RPS6KA1: variants seen among roughly 807,000 people sequenced by gnomAD.
The protein encoded by RPS6KA1 is ribosomal protein S6 kinase A1.
Under a neutral mutation model 91.3 loss-of-function variants are expected in RPS6KA1, and 48 were observed. The observed-to-expected ratio is 0.53, with a 90% confidence interval of 0.42 to 0.67. The LOEUF is 0.67. RPS6KA1 is among the 30% of genes least tolerant of loss of function. The probability of loss-of-function intolerance (pLI) is 0.00; values close to 1 mark genes in which losing one functional copy is unlikely to be tolerated. For missense variants in RPS6KA1, 719 were observed against 960.5 expected (o/e 0.75, Z 3.32); for synonymous variants, 359 against 384.7 (o/e 0.93, Z 0.78).
In RPS6KA1 at chr1:26,574,352, T is replaced by TTCTG; in HGVS notation, c.*151_*152insTCTG. 1 of 934,594 alleles carries TTCTG rather than the reference T, an allele frequency of 1.1e-6. No individual in the cohort carries two copies. Among genetic ancestry groups the TTCTG allele is most frequent in the Non-Finnish European group, 1.8e-6 (1 of 562,360 alleles). The allele number at this position is 934,594 out of a possible 1,614,324, so 57.9% of individuals were successfully genotyped here. On this transcript the variant is annotated 3_prime_UTR_variant, in exon 22 of 22. Coordinates refer to ENST00000374168, the MANE Select transcript of RPS6KA1 (RefSeq NM_002953.4). The surrounding 1 kb of genome is among the most constrained non-coding windows in gnomAD (Gnocchi z 4.3). The stretch of plus-strand genomic sequence containing the variant: ...GCCCAGAACACCCCTAATGAGGGTG[T>TTCTG]GAGAAGTGCCTTCTCCTTCCCCAGG...
chr1:26,555,508 G>C lies in RPS6KA1; in HGVS notation c.828-29G>C. 6.4e-7 allele frequency: 1 copy of C among 1,560,224 alleles called. No homozygotes were observed. Among genetic ancestry groups the C allele is most frequent in the African/African-American group, 1.4e-5 (1 of 73,498 alleles). ...GATGGGGCCTCTGGGGCAGGGCTCA[G>C]CCTTGATGAGTCCCGGGGGCTGTTT... On this transcript the variant is annotated intron_variant, in intron 10 of 21. Transcript: ENST00000374168. This position sits in a 1 kb window ranked among gnomAD's most constrained non-coding sequence, Gnocchi z 4.3.
At chr1:26,553,343 C>A (rs746475218) in intron 6 of RPS6KA1, 48 bp from the exon 7 acceptor site, 1 of 1,368,100 alleles carries the variant, frequency 7.3e-7, no homozygotes, top group Non-Finnish European at 1.0e-6. Context: ...TGCCCCAGCT[C>A]TTAAGGAAGA....
chr1:26,544,237 C>G (rs2075972644), intron 2 of RPS6KA1: 1 of 455,782 alleles, frequency 2.2e-6, no homozygotes, highest in Non-Finnish European at 4.4e-6. Context: ...TGCTGCCTAC[C>G]TCTGTCTGTG....
intron 21 of RPS6KA1, among the ~76,000 whole-genome samples, 172 bp from the exon 22 acceptor site, chr1:26,573,907 C>T (rs998769758): frequency 2.0e-5 from 3 of 151,192 alleles, no homozygotes; most frequent in African/African-American, 7.3e-5. Context: ...CATTGCGTTC[C>T]AGCCTGGGTG....
Position 26,558,834 on chromosome 1 carries a change from G to T in RPS6KA1, c.1112G>T (p.Gly371Val). Residue 371 changes from glycine to valine, a missense_variant, in exon 14 of 22, where the codon GGG (glycine) becomes GTG (valine). Physicochemically the swap from Gly to Val is moderately radical, Grantham distance 109. This residue lies in a region of RPS6KA1 where 228 missense variants were observed against 247.6 expected (regional missense o/e 0.92). Coordinates refer to ENST00000374168, the MANE Select transcript of RPS6KA1 (RefSeq NM_002953.4). The surrounding 1 kb of genome is among the most constrained non-coding windows in gnomAD (Gnocchi z 4.0). ...TCCCCAGGCATCCCCCCCAGCGCTG[G>T]GGCCCATCAGCTGTTCCGGGGCTTC... ...KDSPGIPPSA[G>V]AHQLFRGFSF... 1 of 1,612,708 alleles carries T rather than the reference G, an allele frequency of 6.2e-7. No homozygotes were observed. The highest frequency in any genetic ancestry group is 1.3e-5 in the African/African-American group (1 of 75,020).
At position 26,571,520 on chromosome 1, in the gene RPS6KA1, C is replaced by T. The variant is rs1466936096; in HGVS notation, c.1662C>T (p.Arg554=). 1 of 1,614,102 alleles carries T rather than the reference C, an allele frequency of 6.2e-7. No individual in the cohort carries two copies. Among genetic ancestry groups the T allele is most frequent in the African/African-American group, 1.3e-5 (1 of 74,936 alleles). ...AGTCCGGGAATCCCGAGTGCCTGCG[C>T]ATCTGTGACTTTGGTTTTGCCAAAC... ...VDESGNPECL[R]ICDFGFAKQL... Residue 554 remains arginine, a synonymous_variant, in exon 18 of 22, where the codon CGC becomes CGT. Transcript: ENST00000374168. The surrounding 1 kb of genome is among the most constrained non-coding windows in gnomAD (Gnocchi z 5.1).
chr1:26,554,282 C>T lies in RPS6KA1; in HGVS notation c.613+31C>T, dbSNP rs375579098. The T allele has an allele frequency of 5.0e-5, 77 of 1,553,480 alleles. No homozygotes were observed. The highest frequency in any genetic ancestry group is 6.4e-5 in the Non-Finnish European group (73 of 1,147,616). Reference sequence around the variant, plus strand: ...TGGAGGGCGCCTGCCCCCTCGGGACCCAGGGGAGGACAGGACAAGGTCATG... The same window carrying T: ...TGGAGGGCGCCTGCCCCCTCGGGACTCAGGGGAGGACAGGACAAGGTCATG... On this transcript the variant is annotated intron_variant, in intron 8 of 21. Transcript: ENST00000374168. The surrounding 1 kb of genome is among the most constrained non-coding windows in gnomAD (Gnocchi z 4.6).
rs1452375708 is a variant in RPS6KA1 at position 26,547,867 on chromosome 1, GTC to G, written c.307+603_307+604del. ...ACTGACCCGGCAGAGTCATAGCCAA[GTC>G]TCTCTTTAAATAAGTCAAGGCCGGG... On this transcript the variant is annotated intron_variant, in intron 4 of 21. Coordinates refer to ENST00000374168, the MANE Select transcript of RPS6KA1 (RefSeq NM_002953.4). The surrounding 1 kb of genome is among the most constrained non-coding windows in gnomAD (Gnocchi z 4.1). Among the ~76,000 whole-genome samples the G allele has an allele frequency of 1.3e-5, 2 of 152,196 alleles. No individual in the cohort carries two copies. Among genetic ancestry groups the G allele is most frequent in the Middle Eastern group, 3.2e-3 (1 of 316 alleles).
rs1455255745 is a variant in RPS6KA1, at chr1:26,547,318, G to A, written c.307+48G>A. ...GCAGAACCCAGGCTTGGCTGAGGGA[G>A]GCAGCCCAGACTTCAAGGGCCTTGG... On this transcript the variant is annotated intron_variant, in intron 4 of 21. Transcript: ENST00000374168. The surrounding 1 kb of genome is among the most constrained non-coding windows in gnomAD (Gnocchi z 4.1). 6.5e-7 allele frequency: 1 copy of A among 1,536,180 alleles called. No individual in the cohort carries two copies. Among genetic ancestry groups the A allele is most frequent in the African/African-American group, 1.4e-5 (1 of 73,230 alleles).
chr1:26,546,185 G>A, intron 2 of RPS6KA1: 1 of 879,504 alleles, frequency 1.1e-6, no homozygotes, highest in Non-Finnish European at 1.7e-6. Flanking sequence ...TTGCTTCCTG[G>A]GGAAGTGAGG....
intron 2 of RPS6KA1, among the ~76,000 whole-genome samples, chr1:26,538,625 T>C (rs2075924244): frequency 6.6e-6 from 1 of 152,192 alleles, no homozygotes; most frequent in Admixed American, 6.5e-5. Context: ...ACTACATCCT[T>C]GGAGGTAGAT....
Position 26,554,844 on chromosome 1 carries a change from T to A in RPS6KA1, c.756+106T>A. 1 of 1,423,838 alleles carries A rather than the reference T, an allele frequency of 7.0e-7. No individual in the cohort carries two copies. The highest frequency in any genetic ancestry group is 9.5e-7 in the Non-Finnish European group (1 of 1,051,390). 88.2% of individuals were successfully genotyped at this position (1,423,838 alleles called of 1,614,324 possible). On this transcript the variant is annotated intron_variant, in intron 9 of 21. Transcript: ENST00000374168. This position sits in a 1 kb window ranked among gnomAD's most constrained non-coding sequence, Gnocchi z 4.6. ...CATTTCTAGGGCTCTCCCCGTCTCC[T>A]CTCACAGCCAAGCTGGCCTCACCCT... is the stretch of plus-strand genomic sequence containing the variant.
In RPS6KA1 at chr1:26,572,283, A is replaced by G; in HGVS notation, c.1937A>G (p.Glu646Gly). Reference sequence around the variant, plus strand: ...GGGGGAAATTGGAACACAGTTTCAGAGACAGCCAAGGTGAGTCTGTACGGC... The same window carrying G: ...GGGGGAAATTGGAACACAGTTTCAGGGACAGCCAAGGTGAGTCTGTACGGC... ...LSGGNWNTVS[E>G]TAKDLVSKML... The change falls in exon 20 of 22, where the codon GAG becomes GGG. Residue 646 changes from glutamate (E) to glycine (G), a missense_variant. Glu to Gly is a moderately conservative substitution (Grantham distance 98). Coordinates refer to ENST00000374168, the MANE Select transcript of RPS6KA1 (RefSeq NM_002953.4). 1 of 1,612,262 alleles carries G rather than the reference A, an allele frequency of 6.2e-7. No individual in the cohort carries two copies. Among genetic ancestry groups the G allele is most frequent in the Non-Finnish European group, 8.5e-7 (1 of 1,178,378 alleles).
At position 26,555,787 on chromosome 1, in the gene RPS6KA1, G is replaced by A. The variant is rs1266166350; in HGVS notation, c.916+162G>A. On this transcript the variant is annotated intron_variant, in intron 11 of 21. Coordinates refer to ENST00000374168, the MANE Select transcript of RPS6KA1 (RefSeq NM_002953.4). The surrounding 1 kb of genome is among the most constrained non-coding windows in gnomAD (Gnocchi z 4.3). ...GCTTTCTGGCTCCATGTGTGGTGTT[G>A]TGGAGGGGGGAGTTGACCTGTGTGT... 1.3e-5 allele frequency among the ~76,000 whole-genome samples: 2 copies of A among 152,146 alleles called. No homozygotes were observed. Among genetic ancestry groups the A allele is most frequent in the Non-Finnish European group, 2.9e-5 (2 of 68,024 alleles).
intron 7 of RPS6KA1, 22 bp downstream of exon 7, chr1:26,553,519 AC>A: frequency 6.5e-7 from 1 of 1,535,708 alleles, no homozygotes; most frequent in Non-Finnish European, 9.0e-7. Context: ...CTCCAGCCCC[AC>A]CCCAGCCTCC....
At chr1:26,539,925 C>T (rs2075934714) in intron 2 of RPS6KA1, among the ~76,000 whole-genome samples, 1 of 152,224 alleles carries the variant, frequency 6.6e-6, no homozygotes, top group Admixed American at 6.5e-5. Flanking sequence ...CTCCCCTCCT[C>T]TCTTCCTGTT....
At chr1:26,570,758 T>C (rs1229962490) in intron 17 of RPS6KA1, among the ~76,000 whole-genome samples, 3 of 152,064 alleles carry the variant, frequency 2.0e-5, no homozygotes, top group Non-Finnish European at 4.4e-5. Context: ...AGAAAACAAA[T>C]TAAATATTAT....
chr1:26,530,724 AC>A, intron 1 of RPS6KA1: 1 of 1,279,780 alleles, frequency 7.8e-7, no homozygotes, highest in Non-Finnish European at 1.0e-6. Flanking sequence ...TCCCCAGACA[AC>A]CCAGCTCCTT....
intron 12 of RPS6KA1, 102 bp from the exon 13 acceptor site, chr1:26,556,896 C>A (rs1570446506): frequency 8.6e-7 from 1 of 1,163,658 alleles, no homozygotes. Context: ...GAGAGCTGGG[C>A]AATATGGCCT....
Sources: allele counts gnomAD v4.1 joint callset (sites outside exome capture counted in the v4.1 genomes callset), GRCh38; gene constraint gnomAD v4.1.1; regional missense constraint gnomAD v4.1.1; non-coding constraint Gnocchi (gnomAD v3.1); transcripts MANE v1.5; gene names NCBI Gene and HGNC (gene_info 2026-07-23, HGNC 2026-07-21).